DGKG: variants seen among roughly 807,000 people sequenced by gnomAD.
The protein encoded by DGKG is diacylglycerol kinase gamma.
Under a neutral mutation model 105.3 loss-of-function variants are expected in DGKG, and 78 were observed. The observed-to-expected ratio is 0.74, with a 90% CI of 0.62 to 0.89. The LOEUF (loss-of-function observed/expected upper bound fraction) is 0.89. DGKG is among the 40% of genes least tolerant of loss of function. The pLI is 0.00. For synonymous variants in DGKG, 346 were observed against 367.1 expected, an observed-to-expected ratio of 0.94 and a Z score of 0.66; for missense variants, 958 against 1,020.1, an observed-to-expected ratio of 0.94 and a Z score of 0.83.
In DGKG at chr3:186,290,615, G is replaced by A. The variant is rs540254102; in HGVS notation, c.374-1735C>T. 8.5e-5 allele frequency among the ~76,000 whole-genome samples: 13 copies of A among 152,296 alleles called. No individual in the cohort carries two copies. In the South Asian group the frequency reaches 2.1e-3, roughly 24 times the overall value. Reference sequence around the variant, plus strand: ...ACTCCTACAACTGCCACATCAGACTGTTTGGAAAGAGCTTCTAGGCCGCAG... The same window carrying A: ...ACTCCTACAACTGCCACATCAGACTATTTGGAAAGAGCTTCTAGGCCGCAG... On this transcript the variant is annotated intron_variant, in intron 5 of 24. Transcript: ENST00000265022.
chr3:186,239,076 C>T (rs1395717259), intron 20 of DGKG, among the ~76,000 whole-genome samples: 2 of 152,138 alleles, frequency 1.3e-5, no homozygotes, highest in Admixed American at 1.3e-4. Flanking sequence ...TCTCAAAACC[C>T]CTGAAGCCCT....
chr3:186,328,800 A>G (rs1012968247), intron 1 of DGKG, among the ~76,000 whole-genome samples: 4 of 152,068 alleles, frequency 2.6e-5, no homozygotes, highest in Non-Finnish European at 5.9e-5. Flanking sequence ...GCTGGTCTCG[A>G]ACTCCTGACC....
At chr3:186,321,075 T>A (rs1342872655) in intron 1 of DGKG, among the ~76,000 whole-genome samples, 1 of 152,270 alleles carries the variant, frequency 6.6e-6, no homozygotes, top group Admixed American at 6.5e-5. Context: ...TGTCCTGCAC[T>A]GATTTCTAAA....
chr3:186,223,678 C>A (rs958414723), intron 20 of DGKG, among the ~76,000 whole-genome samples: 1 of 152,156 alleles, frequency 6.6e-6, no homozygotes, highest in Non-Finnish European at 1.5e-5. Context: ...CTGCGGTAGA[C>A]CCTGCCAGCA....
chr3:186,295,638 T>TAAAAAAAAAAAAAAAA (rs34829528), intron 5 of DGKG, among the ~76,000 whole-genome samples: 4 of 84,508 alleles, frequency 4.7e-5, no homozygotes, highest in African/African-American at 2.0e-4. Context: ...TAATGCACAG[T>TAAAAAAAAAAAAAAAA]AAAAAAAAAA....
At chr3:186,241,714 A>G (rs1720695025) in intron 20 of DGKG, among the ~76,000 whole-genome samples, 1 of 152,202 alleles carries the variant, frequency 6.6e-6, no homozygotes. Context: ...GTCATCTTGA[A>G]ATAGTACAAC....
chr3:186,327,100 G>C (rs1297273464), intron 1 of DGKG, among the ~76,000 whole-genome samples: 1 of 152,130 alleles, frequency 6.6e-6, no homozygotes, highest in Non-Finnish European at 1.5e-5. Context: ...AGGGATCAAG[G>C]CTGCACTGAA....
intron 1 of DGKG, among the ~76,000 whole-genome samples, chr3:186,345,625 T>C (rs1303129044): frequency 6.6e-6 from 1 of 152,230 alleles, no homozygotes; most frequent in Non-Finnish European, 1.5e-5. Flanking sequence ...ATATTTTATT[T>C]TCACTGTCTT....
chr3:186,247,701 A>C (rs1176377290), intron 19 of DGKG, among the ~76,000 whole-genome samples: 2 of 152,144 alleles, frequency 1.3e-5, no homozygotes, highest in Non-Finnish European at 2.9e-5. Flanking sequence ...TATTGAGAGA[A>C]AGCCAAGGGC....
intron 20 of DGKG, among the ~76,000 whole-genome samples, chr3:186,220,844 C>T (rs1427473519): frequency 6.6e-6 from 1 of 152,194 alleles, no homozygotes. Flanking sequence ...TGACCCTTCT[C>T]TTCCATATAA....
intron 3 of DGKG, 39 bp downstream of exon 3, chr3:186,306,862 A>C: frequency 7.2e-7 from 1 of 1,394,462 alleles, no homozygotes; most frequent in Non-Finnish European, 1.0e-6. Flanking sequence ...GCTAAAAAAC[A>C]CAGGGGTTTT....
chr3:186,242,388 G>T, intron 20 of DGKG, 116 bp downstream of exon 20: 2 of 799,428 alleles, frequency 2.5e-6, no homozygotes, highest in Non-Finnish European at 3.9e-6. Flanking sequence ...CAAGTGGCAG[G>T]AAGGCCAAGT....
Position 186,218,365 on chromosome 3 carries a change from G to A in DGKG, c.1827-6480C>T, listed in dbSNP as rs957103015. 7.2e-5 allele frequency among the ~76,000 whole-genome samples: 11 copies of A among 151,962 alleles called. No individual in the cohort carries two copies. The East Asian group carries it at 7.7e-4, about 11-fold the overall frequency. ...TAAAAATACAAAAAATTAGCTGGGC[G>A]TGGTGGTGCATGACTGTAATCCCAG... On this transcript the variant is annotated intron_variant, in intron 20 of 24. Transcript: ENST00000265022.
At chr3:186,330,733 T>C (rs1165588031) in intron 1 of DGKG, among the ~76,000 whole-genome samples, 3 of 152,166 alleles carry the variant, frequency 2.0e-5, no homozygotes, top group Non-Finnish European at 4.4e-5. Flanking sequence ...CACCCAGTCA[T>C]CTAAGTCATC....
At chr3:186,272,812 G>A (rs976801213) in intron 10 of DGKG, among the ~76,000 whole-genome samples, 1 of 151,626 alleles carries the variant, frequency 6.6e-6, no homozygotes, top group African/African-American at 2.4e-5. Context: ...TCCGCCTCCC[G>A]GGTTCAAGCG....
chr3:186,242,757 GCAC>G, intron 19 of DGKG, 189 bp from the exon 20 acceptor site: 1 of 515,856 alleles, frequency 1.9e-6, no homozygotes, highest in South Asian at 2.9e-5. Flanking sequence ...GGATGAGCTA[GCAC>G]CACCAATACT....
At chr3:186,228,995 C>T (rs895920293) in intron 20 of DGKG, among the ~76,000 whole-genome samples, 4 of 152,020 alleles carry the variant, frequency 2.6e-5, no homozygotes, top group Non-Finnish European at 5.9e-5. Flanking sequence ...TGAGGTTATA[C>T]CGGGTTAGGG....
At position 186,148,407 on chromosome 3, in the gene DGKG, G is replaced by C; in HGVS notation, c.*1683C>G. On this transcript the variant is annotated 3_prime_UTR_variant, in exon 25 of 25. Transcript: ENST00000265022. ...GATCTGTTTAGTACCTTCGATCTCA[G>C]ACCAACTTCTTTTCCATTCAGGTCA... The C allele has an allele frequency of 3.0e-6, 3 of 985,416 alleles. No homozygotes were observed. Among genetic ancestry groups the C allele is most frequent in the Non-Finnish European group, 3.6e-6 (3 of 829,948 alleles). 61.0% of individuals were successfully genotyped at this position (985,416 alleles called of 1,614,324 possible).
At chr3:186,343,449 C>G (rs1245215239) in intron 1 of DGKG, among the ~76,000 whole-genome samples, 2 of 152,050 alleles carry the variant, frequency 1.3e-5, no homozygotes, top group South Asian at 4.2e-4. Flanking sequence ...CACCACCATG[C>G]CTTGCTAATT....
Sources: allele counts gnomAD v4.1 joint callset (sites outside exome capture counted in the v4.1 genomes callset), GRCh38; gene constraint gnomAD v4.1.1; transcripts MANE v1.5; gene names NCBI Gene and HGNC (gene_info 2026-07-23, HGNC 2026-07-21).